The following ARHGAP9 variants were observed in gnomAD, a reference collection of about 807,000 sequenced individuals.
ARHGAP9 encodes the protein rho GTPase-activating protein 9.
In ARHGAP9, 76 loss-of-function variants were observed where a neutral mutation model predicts 87.3. The observed-to-expected ratio is 0.87, with a 90% CI of 0.72 to 1.05. The LOEUF is 1.05. Ranked by LOEUF, ARHGAP9 falls within the 50% of genes least tolerant of loss-of-function variation. The probability of loss-of-function intolerance (pLI) is 0.00; values close to 1 mark genes in which losing one functional copy is unlikely to be tolerated. For missense variants in ARHGAP9, 941 were observed against 960.5 expected (o/e 0.98, Z 0.27); for synonymous variants, 382 against 394.9 (o/e 0.97, Z 0.39).
At chr12:57,483,152 T>C (rs1457973790), upstream of ARHGAP9, among the ~76,000 whole-genome samples, 11 of 152,142 alleles carry the variant, frequency 7.2e-5, no homozygotes, top group Non-Finnish European at 8.8e-5. Flanking sequence ...GAAAATATGA[T>C]GTAATAATGA....
At position 57,476,122 on chromosome 12, in the gene ARHGAP9, C is replaced by T. The variant is rs1426336888; in HGVS notation, c.1161G>A (p.Gly387=). ...SRPESSVDLR[G]AALAHGRHLS... is the part of the protein sequence containing the mutation. Reference sequence around the variant, plus strand: ...GGTGGCGGCCGTGCGCCAGGGCCGCCCCGCGCAGGTCCACGCTACTTTCGG... The same window carrying T: ...GGTGGCGGCCGTGCGCCAGGGCCGCTCCGCGCAGGTCCACGCTACTTTCGG... The change falls in exon 9 of 18, where the codon GGG becomes GGA. Residue 387 remains glycine, a synonymous_variant. Transcript: ENST00000393791. The T allele has an allele frequency of 1.3e-6, 2 of 1,542,400 alleles. No homozygotes were observed. The highest frequency in any genetic ancestry group is 1.7e-6 in the Non-Finnish European group (2 of 1,144,102).
Position 57,478,738 on chromosome 12 carries a change from A to G in ARHGAP9, c.336T>C (p.Gly112=). 6.2e-7 allele frequency: 1 copy of G among 1,609,198 alleles called. No homozygotes were observed. Among genetic ancestry groups the G allele is most frequent in the South Asian group, 1.1e-5 (1 of 91,034 alleles). The change falls in exon 3 of 18, where the codon GGT becomes GGC. Residue 112 remains glycine, a synonymous_variant. Transcript: ENST00000393791. ...GGGCCTGAGACAACTCCTCCAGGGAACCATGAAACAACTTCGGCCCTGGAA... is the reference window on the plus strand; with the variant it reads ...GGGCCTGAGACAACTCCTCCAGGGAGCCATGAAACAACTTCGGCCCTGGAA... The part of the protein sequence containing the change: ...LWTPGPKLFH[G]SLEELSQALP...
In ARHGAP9 at chr12:57,477,261, G is replaced by A. The variant is rs766538599; in HGVS notation, c.765C>T (p.Gly255=). ...PRRSRSETNP[G]SMEGTQTLKR... Reference sequence around the variant, plus strand: ...TCAGGGTCTGTGTCCCCTCCATGGAGCCAGGGTTCTGGGTTAGGGGAGGAG... The same window carrying A: ...TCAGGGTCTGTGTCCCCTCCATGGAACCAGGGTTCTGGGTTAGGGGAGGAG... Residue 255 remains glycine (G), a synonymous_variant, in exon 5 of 18, where the codon GGC becomes GGT. Transcript: ENST00000393791. 2.6e-6 allele frequency: 4 copies of A among 1,568,528 alleles called. No homozygotes were observed. Among genetic ancestry groups the A allele is most frequent in the Middle Eastern group, 1.7e-4 (1 of 5,830 alleles).
chr12:57,473,928 A>G, intron 16 of ARHGAP9, 114 bp downstream of exon 16: 3 of 1,440,612 alleles, frequency 2.1e-6, no homozygotes. Context: ...GTTGAACATT[A>G]TTTTCCATCT....
chr12:57,477,350 A>C (rs760685416), intron 4 of ARHGAP9, 81 bp from the exon 5 acceptor site: 28 of 1,516,900 alleles, frequency 1.8e-5, no homozygotes, highest in Non-Finnish European at 2.5e-5. Context: ...TACTTGGCTG[A>C]TTCTTCTGAT....
chr12:57,482,157 C>T (rs1434462194), upstream of ARHGAP9, among the ~76,000 whole-genome samples: 3 of 152,078 alleles, frequency 2.0e-5, no homozygotes, highest in Non-Finnish European at 2.9e-5. Flanking sequence ...ACCTATAATC[C>T]CAGCACTTTG....
intron 13 of ARHGAP9, 80 bp downstream of exon 13, chr12:57,474,795 G>A: frequency 1.2e-6 from 2 of 1,604,150 alleles, no homozygotes; most frequent in Non-Finnish European, 1.7e-6. Context: ...GCAGTAGGAA[G>A]ACTAGGTAGA....
intron 16 of ARHGAP9, 136 bp from the exon 17 acceptor site, chr12:57,473,844 A>G: frequency 8.4e-7 from 1 of 1,191,508 alleles, no homozygotes; most frequent in Non-Finnish European, 1.2e-6. Context: ...CACATAGCCC[A>G]ACTATAGCCT....
Position 57,479,288 on chromosome 12 carries a change from C to A in ARHGAP9, c.119G>T (p.Gly40Val). The change falls in exon 2 of 18, where the codon GGC becomes GTC. Residue 40 changes from glycine (G) to valine (V), a missense_variant. Physicochemically the swap from Gly to Val is moderately radical, Grantham distance 109 (BLOSUM62 -3). Transcript: ENST00000393791. ...CCCTTCAGCCAGAGACACCTGCTGG[C>A]CATCTGCCCCAGTATAAGTAAAGGC... ...LYAFTYTGAD[G>V]QQVSLAEGDR... 1 of 1,614,226 alleles carries A rather than the reference C, an allele frequency of 6.2e-7. No individual in the cohort carries two copies. Among genetic ancestry groups the A allele is most frequent in the Non-Finnish European group, 8.5e-7 (1 of 1,180,046 alleles).
In ARHGAP9 at chr12:57,476,962, C is replaced by T; in HGVS notation, c.872G>A (p.Gly291Asp). The T allele has an allele frequency of 1.2e-6, 2 of 1,612,662 alleles. No homozygotes were observed. The highest frequency in any genetic ancestry group is 4.5e-5 in the East Asian group (2 of 44,830). ...GGTGCGTTGGCTGAGGCTGAGTGAA[C>T]CCTAGGGGAGAGGATTGGAGAAACA... ...TGTPEPLDPQ[G>D]SLSLSQRTSQ... Residue 291 changes from glycine (G) to aspartate (D), a missense_variant and splice_region_variant, in exon 6 of 18, where the codon GGT becomes GAT. By Grantham distance (94) the Gly-to-Asp change is moderately conservative. Transcript: ENST00000393791.
At position 57,476,892 on chromosome 12, in the gene ARHGAP9, C is replaced by T. The variant is rs1202091346; in HGVS notation, c.942G>A (p.Pro314=). Residue 314 remains proline, a synonymous_variant, in exon 6 of 18, where the codon CCG becomes CCA. Transcript: ENST00000393791. The part of the protein sequence containing the change: ...PPALQAPRPL[P]QLLDDPHEVE... ...TCACATGGGGGTCGTCCAGGAGCTG[C>T]GGCAGAGGTCGAGGGGCCTGCAAGG... is the stretch of plus-strand genomic sequence containing the variant. 1.4e-5 allele frequency: 23 copies of T among 1,613,720 alleles called. No individual in the cohort carries two copies. The highest frequency in any genetic ancestry group is 1.8e-5 in the Non-Finnish European group (21 of 1,179,940).
chr12:57,478,485 G>A (rs1424060195), intron 3 of ARHGAP9, 55 bp downstream of exon 3: 6 of 1,537,320 alleles, frequency 3.9e-6, no homozygotes, highest in African/African-American at 2.7e-5. Context: ...GAAGACAGAG[G>A]TGCTGTCTGT....
Position 57,479,306 on chromosome 12 carries a change from G to A in ARHGAP9, c.101C>T (p.Thr34Ile), listed in dbSNP as rs111580936. ...GSQLCALYAFTYTGADGQQVS... is the reference protein window; with the variant it reads ...GSQLCALYAFIYTGADGQQVS... ...CTGCTGGCCATCTGCCCCAGTATAA[G>A]TAAAGGCATAGAGGGCACAGAGCTG... Residue 34 changes from threonine (T) to isoleucine (I), a missense_variant, in exon 2 of 18, where the codon ACT becomes ATT. Thr to Ile is a moderately conservative substitution (Grantham distance 89). Coordinates refer to ENST00000393791, the MANE Select transcript of ARHGAP9 (RefSeq NM_032496.4). 1.4e-5 allele frequency: 23 copies of A among 1,614,242 alleles called. No homozygotes were observed. The African/African-American group carries it at 1.6e-4, about 11-fold the overall frequency.
At chr12:57,476,825 G>A (rs995706390) in intron 6 of ARHGAP9, 46 bp downstream of exon 6, 4 of 1,543,914 alleles carry the variant, frequency 2.6e-6, no homozygotes, top group African/African-American at 1.4e-5. Context: ...AGGGGGGAGG[G>A]GGGGCAGGGA....
chr12:57,476,375 AG>A lies in ARHGAP9; in HGVS notation c.1104del (p.Ser369ProfsTer87), dbSNP rs745364263. Reference protein sequence around the residue: ...VFYREPPPTAPSSGWGPAGSR... With the variant: ...VFYREPPPTAXSSGWGPAGSR... ...TCGCTCACACTCACCCAGCCTGAGG[AG>A]GGCGCTGTCGGCGGTGGCTCTCGGT... On this transcript the variant is annotated frameshift_variant, in exon 8 of 18. Coordinates refer to ENST00000393791, the MANE Select transcript of ARHGAP9 (RefSeq NM_032496.4). LOFTEE classifies it high-confidence loss of function. The A allele has an allele frequency of 1.2e-6, 2 of 1,613,780 alleles. No individual in the cohort carries two copies. The highest frequency in any genetic ancestry group is 2.7e-5 in the African/African-American group (2 of 74,968).
chr12:57,480,235 G>A (rs1187276021), upstream of ARHGAP9: 5 of 601,152 alleles, frequency 8.3e-6, no homozygotes, highest in African/African-American at 1.0e-4. Flanking sequence ...AGGCTGGAGT[G>A]TGATGGCGAG....
Position 57,472,416 on chromosome 12 carries a change from C to G in ARHGAP9, c.*101G>C. On this transcript the variant is annotated 3_prime_UTR_variant, in exon 18 of 18. Coordinates refer to ENST00000393791, the MANE Select transcript of ARHGAP9 (RefSeq NM_032496.4). ...CAAGTCACACTCATGAAGATAGAGA[C>G]AGTCATTTGGGAGATTTAAAGGGAT... 7.2e-7 allele frequency: 1 copy of G among 1,381,394 alleles called. No homozygotes were observed. The highest frequency in any genetic ancestry group is 1.5e-5 in the South Asian group (1 of 68,904). 85.6% of individuals were successfully genotyped at this position (1,381,394 alleles called of 1,614,324 possible). A position where few individuals can be genotyped will look rare whatever the true frequency, so the allele number is the denominator to read the frequency against.
Position 57,477,588 on chromosome 12 carries a change from T to C in ARHGAP9, c.627A>G (p.Ala209=). The stretch of plus-strand genomic sequence containing the variant: ...CATCCAGCCTCTGCAGCAGGGGGCA[T>C]GCAGGGCCTGGGGGTGGGGACCGAG... ...RCPRSPPPGP[A]CPLLQRLDAW... is the part of the protein sequence containing the mutation. Residue 209 remains alanine (A), a synonymous_variant, in exon 4 of 18, where the codon GCA becomes GCG. Transcript: ENST00000393791. The C allele has an allele frequency of 6.2e-7, 1 of 1,612,728 alleles. No homozygotes were observed. Among genetic ancestry groups the C allele is most frequent in the Non-Finnish European group, 8.5e-7 (1 of 1,179,446 alleles).
Position 57,475,497 on chromosome 12 carries a change from C to T in ARHGAP9, c.1430G>A (p.Ser477Asn), listed in dbSNP as rs1416919842. The part of the protein sequence containing the change: ...LVSKPLLRLS[S>N]RRSSIRGPEG... ...CCGCGCCTCACTGGAGCTCCGGCGG[C>T]TGCTGAGGCGCAGCAGCGGCTTGGA... is the stretch of plus-strand genomic sequence containing the variant. The change falls in exon 11 of 18, where the codon AGC becomes AAC. Residue 477 changes from serine (S) to asparagine (N), a missense_variant. By Grantham distance (46) the Ser-to-Asn change is conservative. Coordinates refer to ENST00000393791, the MANE Select transcript of ARHGAP9 (RefSeq NM_032496.4). 1.2e-6 allele frequency: 2 copies of T among 1,604,162 alleles called. No individual in the cohort carries two copies. Among genetic ancestry groups the T allele is most frequent in the Middle Eastern group, 1.7e-4 (1 of 5,928 alleles).
Sources: allele counts gnomAD v4.1 joint callset (sites outside exome capture counted in the v4.1 genomes callset), GRCh38; gene constraint gnomAD v4.1.1; transcripts MANE v1.5; gene names NCBI Gene and HGNC (gene_info 2026-07-23, HGNC 2026-07-21).